NYAP2: variants seen among roughly 807,000 people sequenced by gnomAD.
NYAP2 encodes neuronal tyrosine-phosphorylated phosphoinositide-3-kinase adapter 2.
Under a neutral mutation model 50.4 loss-of-function variants are expected in NYAP2, and 23 were observed. That is an observed-to-expected ratio of 0.46 (90% CI 0.33 to 0.65). NYAP2 has a LOEUF of 0.65. Among genes scored for constraint, NYAP2 ranks in the 30% least tolerant of loss-of-function variants. NYAP2 has a pLI of 0.02. For synonymous variants in NYAP2, 394 were observed against 365.2 expected (o/e 1.08, Z -0.90); for missense variants, 885 against 861.0 (o/e 1.03, Z -0.35).
chr2:225,402,093 C>T (rs766367275), intron 2 of NYAP2, among the ~76,000 whole-genome samples: 3 of 151,802 alleles, frequency 2.0e-5, no homozygotes, highest in Non-Finnish European at 4.4e-5. Context: ...TTTTGTTTTC[C>T]TATGGAAAGT....
intron 2 of NYAP2, among the ~76,000 whole-genome samples, chr2:225,402,070 A>C (rs1269547756): frequency 5.3e-5 from 8 of 152,086 alleles, no homozygotes; most frequent in Admixed American, 5.2e-4. Context: ...GTGGTCCACA[A>C]ATGCAGAAAT....
At chr2:225,483,793 C>T (rs1486169602) in intron 3 of NYAP2, among the ~76,000 whole-genome samples, 2 of 152,108 alleles carry the variant, frequency 1.3e-5, no homozygotes, top group African/African-American at 2.4e-5. Flanking sequence ...AATGTTATAG[C>T]CCTTTCCATA....
At chr2:225,612,379 T>C (rs1352384737) in intron 5 of NYAP2, among the ~76,000 whole-genome samples, 1 of 151,910 alleles carries the variant, frequency 6.6e-6, no homozygotes, top group African/African-American at 2.4e-5. Context: ...CTGGAAAGGC[T>C]GTTTGTTTAG....
At chr2:225,449,781 C>CT (rs1471681997) in intron 3 of NYAP2, among the ~76,000 whole-genome samples, 2 of 151,248 alleles carry the variant, frequency 1.3e-5, no homozygotes, top group African/African-American at 2.4e-5. Context: ...GCTAACTTTG[C>CT]TTTTTTTGTA....
the NYAP2 span, among the ~76,000 whole-genome samples, chr2:225,668,781 T>C: frequency 6.6e-6 from 1 of 152,068 alleles, no homozygotes; most frequent in Non-Finnish European, 1.5e-5. Flanking sequence ...AAACACATAC[T>C]GAAGATTTCC....
intron 4 of NYAP2, among the ~76,000 whole-genome samples, chr2:225,529,470 C>T (rs915415669): frequency 1.3e-5 from 2 of 152,018 alleles, no homozygotes; most frequent in Non-Finnish European, 2.9e-5. Flanking sequence ...GCATTACAGA[C>T]ATGAGCCACC....
the NYAP2 span, among the ~76,000 whole-genome samples, chr2:225,679,898 C>T: frequency 6.6e-4 from 100 of 152,240 alleles, no homozygotes; most frequent in Non-Finnish European, 1.3e-3. Flanking sequence ...TCAATCAGCA[C>T]TGGCCTAAAA....
At chr2:225,416,847 C>T (rs988695708) in intron 3 of NYAP2, among the ~76,000 whole-genome samples, 1 of 152,136 alleles carries the variant, frequency 6.6e-6, no homozygotes, top group Non-Finnish European at 1.5e-5. Context: ...CCCATGTGAG[C>T]TACTCAGTCA....
intron 3 of NYAP2, among the ~76,000 whole-genome samples, chr2:225,462,528 A>T (rs73082879): frequency 0.011 from 1,734 of 152,120 alleles, 37 homozygotes; most frequent in African/African-American, 0.04. Flanking sequence ...TGACTTTATA[A>T]CTCGGATGAT....
intron 5 of NYAP2, among the ~76,000 whole-genome samples, chr2:225,612,811 T>TGG (rs1692920591): frequency 1.7e-5 from 1 of 59,768 alleles, no homozygotes; most frequent in East Asian, 4.2e-4. Context: ...TCACACCCAA[T>TGG]GTGTGTGATG....
chr2:225,472,486 A>C (rs73089775), intron 3 of NYAP2, among the ~76,000 whole-genome samples: 1,924 of 152,268 alleles, frequency 0.013, 48 homozygotes, highest in African/African-American at 0.044. Context: ...TTTGGTACAG[A>C]GGTAAGAGTC....
chr2:225,409,440 A>C (rs947614502), intron 3 of NYAP2, among the ~76,000 whole-genome samples: 9 of 152,212 alleles, frequency 5.9e-5, no homozygotes, highest in African/African-American at 2.2e-4. Flanking sequence ...AAGATTGATG[A>C]AAATCCCTAC....
At chr2:225,568,512 C>T (rs1352042837) in intron 4 of NYAP2, among the ~76,000 whole-genome samples, 1 of 151,936 alleles carries the variant, frequency 6.6e-6, no homozygotes, top group Non-Finnish European at 1.5e-5. Context: ...TACAAAATAC[C>T]CCAAATTCTG....
chr2:225,468,367 A>T (rs1394532328), intron 3 of NYAP2, among the ~76,000 whole-genome samples: 1 of 152,190 alleles, frequency 6.6e-6, no homozygotes, highest in Non-Finnish European at 1.5e-5. Context: ...AGAACTTCAA[A>T]AGAATACATT....
intron 5 of NYAP2, among the ~76,000 whole-genome samples, chr2:225,618,109 CCT>C (rs1486312813): frequency 6.6e-6 from 1 of 151,916 alleles, no homozygotes; most frequent in Non-Finnish European, 1.5e-5. Context: ...AATGTAATAC[CCT>C]GTTTGCTTAG....
intron 6 of NYAP2, among the ~76,000 whole-genome samples, chr2:225,642,303 TA>T (rs567555284): frequency 5.7e-4 from 87 of 152,094 alleles, no homozygotes; most frequent in African/African-American, 2.0e-3. Flanking sequence ...GCAGGGAAGC[TA>T]AAAAAAATCA....
At chr2:225,481,531 AC>A (rs1690206592) in intron 3 of NYAP2, among the ~76,000 whole-genome samples, 1 of 152,148 alleles carries the variant, frequency 6.6e-6, no homozygotes, top group Admixed American at 6.6e-5. Context: ...ATCATGAACA[AC>A]CACATGGAGA....
In NYAP2 at chr2:225,641,673, C is replaced by T. The variant is rs138181191; in HGVS notation, c.1829-9759C>T. Among the ~76,000 whole-genome samples the T allele has an allele frequency of 5.9e-4, 89 of 152,036 alleles. No individual in the cohort carries two copies. The East Asian group carries it at 0.013, about 23-fold the overall frequency. On this transcript the variant is annotated intron_variant, in intron 6 of 6. Transcript: ENST00000636099. ...ACTAAAAATACAAAAACTAGCTGGG[C>T]GTGGTGGCACGTGCCTGTAATCCCA...
intron 4 of NYAP2, among the ~76,000 whole-genome samples, chr2:225,538,752 ATTTTC>A (rs143281315): frequency 3.3e-4 from 41 of 124,110 alleles, no homozygotes; most frequent in African/African-American, 9.5e-4. Flanking sequence ...AGAAAATGAG[ATTTTC>A]TTTTCTTTTC....
Sources: gnomAD v4.1 joint callset for allele counts (sites outside exome capture counted in the v4.1 genomes callset) on GRCh38, gnomAD v4.1.1 for gene constraint, MANE v1.5 for transcripts, NCBI Gene and HGNC (gene_info 2026-07-23, HGNC 2026-07-21) for gene names.